DIAPH3: variants seen among roughly 807,000 people sequenced by gnomAD.
DIAPH3 encodes protein diaphanous homolog 3.
DIAPH3 carries 117 observed loss-of-function variants against 144.3 expected under a neutral mutation model. The observed-to-expected ratio is 0.81, with a 90% confidence interval of 0.70 to 0.95. The LOEUF (loss-of-function observed/expected upper bound fraction) is 0.95. Ranked by LOEUF, DIAPH3 falls within the 40% of genes least tolerant of loss-of-function variation. The probability of loss-of-function intolerance (pLI) is 0.00; values close to 1 mark genes in which losing one functional copy is unlikely to be tolerated. For synonymous variants in DIAPH3, 519 were observed against 488.9 expected (o/e 1.06, Z -0.81); for missense variants, 1,421 against 1,412.7 (o/e 1.01, Z -0.09).
At chr13:59,939,291 T>C (rs1232752726) in intron 17 of DIAPH3, among the ~76,000 whole-genome samples, 2 of 152,196 alleles carry the variant, frequency 1.3e-5, no homozygotes, top group African/African-American at 4.8e-5. Context: ...ATTTCTCTTC[T>C]ACCTCTCACC....
At chr13:60,140,510 C>T (rs1855833301) in intron 1 of DIAPH3, among the ~76,000 whole-genome samples, 2 of 151,842 alleles carry the variant, frequency 1.3e-5, no homozygotes, top group South Asian at 4.2e-4. Flanking sequence ...GCTTACAATA[C>T]AATGGTACAT....
chr13:59,899,281 A>G (rs1239044331), intron 20 of DIAPH3, among the ~76,000 whole-genome samples: 1 of 152,126 alleles, frequency 6.6e-6, no homozygotes, highest in Non-Finnish European at 1.5e-5. Flanking sequence ...TTTCATATAT[A>G]CATCTATCCT....
chr13:59,863,686 G>A (rs1593732376), intron 21 of DIAPH3, among the ~76,000 whole-genome samples: 1 of 152,172 alleles, frequency 6.6e-6, no homozygotes, highest in African/African-American at 2.4e-5. Flanking sequence ...AACTTATACA[G>A]TGGTTCCCAG....
At chr13:59,698,971 A>G (rs1432541378) in intron 27 of DIAPH3, among the ~76,000 whole-genome samples, 1 of 152,222 alleles carries the variant, frequency 6.6e-6, no homozygotes, top group Admixed American at 6.5e-5. Flanking sequence ...ATTGCAAAGG[A>G]TAATCTTTAA....
Position 60,163,601 on chromosome 13 carries a change from T to C in DIAPH3, c.166A>G (p.Lys56Glu). The change falls in exon 1 of 28, where the codon AAG becomes GAG. Residue 56 changes from lysine (K) to glutamate (E), a missense_variant. Transcript: ENST00000400324. Reference sequence around the variant, plus strand: ...GCGATACTCACAAACTTGGGGCGCTTCTCCCCAGGCTCCTCGGGGCCACTG... The same window carrying C: ...GCGATACTCACAAACTTGGGGCGCTCCTCCCCAGGCTCCTCGGGGCCACTG... ...PPSGPEEPGE[K>E]RPKFHLNIRT... is the part of the protein sequence containing the mutation. 6.3e-7 allele frequency: 1 copy of C among 1,594,596 alleles called. No individual in the cohort carries two copies. The highest frequency in any genetic ancestry group is 8.6e-7 in the Non-Finnish European group (1 of 1,166,672).
intron 20 of DIAPH3, among the ~76,000 whole-genome samples, chr13:59,884,330 T>C (rs2045296431): frequency 1.3e-5 from 2 of 152,132 alleles, no homozygotes; most frequent in South Asian, 4.1e-4. Context: ...TATAATTATT[T>C]CATTATATAG....
chr13:59,896,697 C>T (rs1347678546), intron 20 of DIAPH3, among the ~76,000 whole-genome samples: 4 of 152,122 alleles, frequency 2.6e-5, no homozygotes, highest in Non-Finnish European at 5.9e-5. Context: ...TCCGAGAAAT[C>T]CGGGATACCT....
chr13:60,072,725 C>T (rs541068557), intron 4 of DIAPH3, among the ~76,000 whole-genome samples: 1 of 152,034 alleles, frequency 6.6e-6, no homozygotes, highest in South Asian at 2.1e-4. Context: ...GAAATAATAT[C>T]AGAAATAAGG....
chr13:59,938,580 G>T (rs1241144334), intron 17 of DIAPH3, among the ~76,000 whole-genome samples: 1 of 151,622 alleles, frequency 6.6e-6, no homozygotes, highest in Non-Finnish European at 1.5e-5. Context: ...CTGCATTCTA[G>T]CCTGGGCAAC....
At chr13:59,776,758 T>C (rs1452805147) in intron 25 of DIAPH3, among the ~76,000 whole-genome samples, 1 of 152,128 alleles carries the variant, frequency 6.6e-6, no homozygotes, top group South Asian at 2.1e-4. Flanking sequence ...ATTGATGTAG[T>C]GATTCTCAGA....
intron 20 of DIAPH3, 97 bp from the exon 21 acceptor site, chr13:59,879,565 A>C: frequency 6.6e-7 from 1 of 1,504,298 alleles, no homozygotes; most frequent in Non-Finnish European, 9.1e-7. Flanking sequence ...TTGGTATGAC[A>C]GTACCAAAGA....
intron 17 of DIAPH3, among the ~76,000 whole-genome samples, chr13:59,952,575 GA>G (rs1224893313): frequency 6.6e-6 from 1 of 151,380 alleles, no homozygotes; most frequent in African/African-American, 2.4e-5. Context: ...AAAACAGAAG[GA>G]AAAAAAAGGT....
At chr13:59,970,102 C>CA (rs1267306440) in intron 16 of DIAPH3, 44 bp from the exon 17 acceptor site, 1 of 1,182,740 alleles carries the variant, frequency 8.5e-7, no homozygotes, top group African/African-American at 1.5e-5. Flanking sequence ...GTGAGTGTTT[C>CA]ACCTGTCCCA....
At chr13:59,949,670 T>C (rs533229364) in intron 17 of DIAPH3, among the ~76,000 whole-genome samples, 1 of 152,274 alleles carries the variant, frequency 6.6e-6, no homozygotes, top group East Asian at 1.9e-4. Flanking sequence ...ACAGAGACCA[T>C]ATGACCTACA....
rs554761487 is a variant in DIAPH3 at position 59,714,225 on chromosome 13, T to C, written c.3320-47379A>G. ...AATACAAAAAATTAGCCGGGCGTAGTGGCGGGCGCCTGTAGTCCCAGCTAC... is the reference window on the plus strand; with the variant it reads ...AATACAAAAAATTAGCCGGGCGTAGCGGCGGGCGCCTGTAGTCCCAGCTAC... On this transcript the variant is annotated intron_variant, in intron 27 of 27. Transcript: ENST00000400324. Among the ~76,000 whole-genome samples, 6 of 150,918 alleles carry C rather than the reference T, an allele frequency of 4.0e-5. No individual in the cohort carries two copies. In the South Asian group the frequency reaches 8.5e-4, roughly 21 times the overall value.
intron 24 of DIAPH3, among the ~76,000 whole-genome samples, chr13:59,828,619 C>T (rs2041591400): frequency 8.9e-6 from 1 of 112,016 alleles, no homozygotes; most frequent in African/African-American, 3.3e-5. Context: ...TCACCTGTCA[C>T]ATTCTGGACC....
At chr13:59,720,821 T>A (rs1427526233) in intron 27 of DIAPH3, among the ~76,000 whole-genome samples, 1 of 152,152 alleles carries the variant, frequency 6.6e-6, no homozygotes, top group African/African-American at 2.4e-5. Flanking sequence ...ACATTATAAG[T>A]CCATTTATTT....
At chr13:59,949,677 T>C (rs1486714455) in intron 17 of DIAPH3, among the ~76,000 whole-genome samples, 2 of 152,200 alleles carry the variant, frequency 1.3e-5, no homozygotes, top group African/African-American at 4.8e-5. Flanking sequence ...CCATATGACC[T>C]ACAAAAACAA....
chr13:59,750,977 A>G (rs1432313375), intron 27 of DIAPH3, among the ~76,000 whole-genome samples: 1 of 152,228 alleles, frequency 6.6e-6, no homozygotes, highest in Admixed American at 6.5e-5. Flanking sequence ...ACATAGTGGC[A>G]CTGTCAGCAC....
Sources: allele counts gnomAD v4.1 joint callset (sites outside exome capture counted in the v4.1 genomes callset), GRCh38; gene constraint gnomAD v4.1.1; transcripts MANE v1.5; gene names NCBI Gene and HGNC (gene_info 2026-07-23, HGNC 2026-07-21).